RAPGEF6: variants seen among roughly 807,000 people sequenced by gnomAD.
RAPGEF6 encodes Rap guanine nucleotide exchange factor 6, also known as PDZ domain containing guanine nucleotide exchange factor (GEF) 2.
In RAPGEF6, 56 loss-of-function variants were observed where a neutral mutation model predicts 171.4. The ratio of observed to expected loss-of-function variants is 0.33; its 90% CI spans 0.26 to 0.41. The LOEUF (loss-of-function observed/expected upper bound fraction) is 0.41. Ranked by LOEUF, RAPGEF6 falls within the 10% of genes least tolerant of loss-of-function variation. RAPGEF6 has a pLI of 1.00. For missense variants in RAPGEF6, 1,674 were observed against 1,921.4 expected (o/e 0.87, Z 2.41); for synonymous variants, 692 against 650.1 (o/e 1.06, Z -0.98).
chr5:131,590,925 C>G (rs926361908), intron 4 of RAPGEF6, among the ~76,000 whole-genome samples: 17 of 151,972 alleles, frequency 1.1e-4, no homozygotes, highest in Admixed American at 3.9e-4. Flanking sequence ...CAGGGACTAA[C>G]AATACAAATT....
intron 5 of RAPGEF6, among the ~76,000 whole-genome samples, chr5:131,557,271 T>A (rs1008575483): frequency 3.9e-5 from 6 of 152,318 alleles, no homozygotes; most frequent in African/African-American, 1.2e-4. Context: ...AACAACTTTT[T>A]AAGGTTTTCT....
chr5:131,459,024 A>G (rs1753715337), intron 19 of RAPGEF6, among the ~76,000 whole-genome samples: 1 of 152,220 alleles, frequency 6.6e-6, no homozygotes, highest in Non-Finnish European at 1.5e-5. Flanking sequence ...AACATGCCAG[A>G]AATAGCCAAA....
intron 6 of RAPGEF6, 109 bp downstream of exon 6, chr5:131,547,938 T>A: frequency 2.4e-6 from 3 of 1,229,840 alleles, no homozygotes; most frequent in Non-Finnish European, 3.4e-6. Flanking sequence ...TGCCCCAAAT[T>A]TTCACATACA....
Position 131,471,424 on chromosome 5 carries a change from C to G in RAPGEF6, c.2239+1163G>C, listed in dbSNP as rs73786681. On this transcript the variant is annotated intron_variant, in intron 17 of 27. Transcript: ENST00000509018. Reference sequence around the variant, plus strand: ...CTATAATAAAACATGAACTTTACTACTGTACTTATATTTCCTTCTAATACC... The same window carrying G: ...CTATAATAAAACATGAACTTTACTAGTGTACTTATATTTCCTTCTAATACC... Among the ~76,000 whole-genome samples, 1,383 of 152,260 alleles carry G rather than the reference C, an allele frequency of 9.1e-3. 17 individuals are homozygous for G. The highest frequency in any genetic ancestry group is 0.031 in the African/African-American group (1,298 of 41,548).
chr5:131,489,787 T>G, intron 14 of RAPGEF6, 133 bp from the exon 15 acceptor site: 24 of 475,484 alleles, frequency 5.0e-5, no homozygotes, highest in Middle Eastern at 5.4e-4. Context: ...CAGTTATCTC[T>G]GTGAGAAGCT....
chr5:131,452,763 G>A (rs1753189901), intron 21 of RAPGEF6, among the ~76,000 whole-genome samples: 2 of 151,858 alleles, frequency 1.3e-5, no homozygotes, highest in Admixed American at 6.6e-5. Context: ...ACTGCGCCCG[G>A]CCTGCTGATG....
chr5:131,570,819 G>C (rs1762233434), intron 4 of RAPGEF6, among the ~76,000 whole-genome samples: 1 of 152,060 alleles, frequency 6.6e-6, no homozygotes, highest in South Asian at 2.1e-4. Context: ...AGAAGGTGTG[G>C]AAAGTAGAGA....
intron 1 of RAPGEF6, among the ~76,000 whole-genome samples, chr5:131,610,717 T>A (rs929012436): frequency 2.6e-5 from 4 of 152,120 alleles, no homozygotes; most frequent in Non-Finnish European, 4.4e-5. Flanking sequence ...AGATCAACCA[T>A]ACAGGGGCTA....
In RAPGEF6 at chr5:131,505,405, A is replaced by G. The variant is rs747899531; in HGVS notation, c.1060T>C (p.Tyr354His). The change falls in exon 10 of 28, where the codon TAC (tyrosine) becomes CAC (histidine). Residue 354 changes from tyrosine to histidine, a missense_variant. By Grantham distance (83) the Tyr-to-His change is moderately conservative. This residue lies in a region of RAPGEF6 where 1,116 missense variants were observed against 1,321.5 expected (regional missense o/e 0.84). Transcript: ENST00000509018. ...TTAGTCCTGACAATTCCATGCATGT[A>G]CTGCTTATCCAGAGTGGGAGTAATT... ...FGITPTLDKQ[Y>H]MHGIVRTKVD... 5 of 1,613,684 alleles carry G rather than the reference A, an allele frequency of 3.1e-6. No homozygotes were observed. The Admixed American group carries it at 8.3e-5, about 27-fold the overall frequency.
chr5:131,578,727 A>T (rs1439649875), intron 4 of RAPGEF6, among the ~76,000 whole-genome samples: 1 of 152,224 alleles, frequency 6.6e-6, no homozygotes, highest in Non-Finnish European at 1.5e-5. Flanking sequence ...AGTCACGCAC[A>T]TTAACAAACA....
chr5:131,486,966 G>A (rs932217798), intron 15 of RAPGEF6, among the ~76,000 whole-genome samples: 1 of 152,036 alleles, frequency 6.6e-6, no homozygotes, highest in Non-Finnish European at 1.5e-5. Flanking sequence ...CTTATGCTTG[G>A]TGATCCCTGA....
chr5:131,528,298 AATAAT>A lies in RAPGEF6; in HGVS notation c.496-6782_496-6778del, dbSNP rs1430486217. 6.9e-3 allele frequency among the ~76,000 whole-genome samples: 697 copies of A among 101,004 alleles called. 13 individuals carry two copies. The highest frequency in any genetic ancestry group is 0.023 in the African/African-American group (613 of 26,870). The allele number at this position is 101,004 out of a possible 152,430, so 66.3% of individuals were successfully genotyped here. A position where few individuals can be genotyped will look rare whatever the true frequency, so the allele number is the denominator to read the frequency against. ...TATTATATATATATAAATAAAATAA[AATAAT>A]ATATTTATATTATATATATATATAT... On this transcript the variant is annotated intron_variant, in intron 6 of 27. Coordinates refer to ENST00000509018, the MANE Select transcript of RAPGEF6 (RefSeq NM_016340.6).
chr5:131,603,041 G>A (rs1057068616), intron 3 of RAPGEF6, among the ~76,000 whole-genome samples: 1 of 151,982 alleles, frequency 6.6e-6, no homozygotes, highest in African/African-American at 2.4e-5. Context: ...CTGGAAAACT[G>A]GTATCTCTAT....
At chr5:131,516,104 T>C (rs79188157) in intron 7 of RAPGEF6, among the ~76,000 whole-genome samples, 1,823 of 94,638 alleles carry the variant, frequency 0.019, 98 homozygotes, top group African/African-American at 0.074. Context: ...TTTTTTTTTT[T>C]CTGTGACGGA....
chr5:131,601,513 C>T (rs1764256094), intron 3 of RAPGEF6, among the ~76,000 whole-genome samples: 1 of 151,856 alleles, frequency 6.6e-6, no homozygotes, highest in Non-Finnish European at 1.5e-5. Flanking sequence ...ATAAAGACAA[C>T]CCAATTAATA....
chr5:131,540,967 C>A (rs1385963540), intron 6 of RAPGEF6, among the ~76,000 whole-genome samples: 2 of 152,192 alleles, frequency 1.3e-5, no homozygotes, highest in Non-Finnish European at 2.9e-5. Flanking sequence ...GGCGACAGTG[C>A]AAGACTCCGT....
At chr5:131,436,043 T>C in intron 24 of RAPGEF6, 1 of 1,536,864 alleles carries the variant, frequency 6.5e-7, no homozygotes, top group Non-Finnish European at 8.7e-7. Flanking sequence ...AAGATGGCAC[T>C]CCCTTTCTCA....
chr5:131,573,325 G>A (rs749088174), intron 4 of RAPGEF6, among the ~76,000 whole-genome samples: 83 of 152,264 alleles, frequency 5.5e-4, no homozygotes, highest in Middle Eastern at 3.4e-3. Flanking sequence ...TGAAGGCATA[G>A]TCAGGGTACG....
chr5:131,591,107 A>G (rs996664212), intron 4 of RAPGEF6, among the ~76,000 whole-genome samples: 1 of 152,234 alleles, frequency 6.6e-6, no homozygotes, highest in Non-Finnish European at 1.5e-5. Context: ...TCAGGAGTCA[A>G]GGCATGACTT....
Sources: allele counts gnomAD v4.1 joint callset (sites outside exome capture counted in the v4.1 genomes callset), GRCh38; gene constraint gnomAD v4.1.1; regional missense constraint gnomAD v4.1.1; transcripts MANE v1.5; gene names NCBI Gene and HGNC (gene_info 2026-07-23, HGNC 2026-07-21).